Variants in SLC15A5 observed in about 807,000 individuals in gnomAD.
SLC15A5 encodes the protein solute carrier family 15 member 5, also known as Peptide/histidine transporter ENSP00000340402.
SLC15A5 carries 58 observed loss-of-function variants against 56.1 expected under a neutral mutation model. The ratio of observed to expected loss-of-function variants is 1.03; its 90% CI spans 0.84 to 1.29. The LOEUF (loss-of-function observed/expected upper bound fraction) is 1.29, where lower values mean the gene tolerates loss of function less well. Among genes scored for constraint, SLC15A5 ranks in the 50% most tolerant of loss-of-function variants. The pLI, the probability that SLC15A5 is intolerant of heterozygous loss-of-function variation, is 0.00. For synonymous variants in SLC15A5, 264 were observed against 250.5 expected, an observed-to-expected ratio of 1.05 and a Z score of -0.51; for missense variants, 681 against 672.1, an observed-to-expected ratio of 1.01 and a Z score of -0.15.
intron 6 of SLC15A5, among the ~76,000 whole-genome samples, chr12:16,224,043 G>A (rs1179547424): frequency 1.3e-5 from 2 of 152,118 alleles, no homozygotes; most frequent in Admixed American, 1.3e-4. Context: ...GTGAGAGTCG[G>A]GGAGGTGAGA....
chr12:16,214,918 G>C (rs1864115233), intron 7 of SLC15A5, among the ~76,000 whole-genome samples: 1 of 151,878 alleles, frequency 6.6e-6, no homozygotes, highest in Non-Finnish European at 1.5e-5. Context: ...AGTGAGGGTA[G>C]TCTTGGCTGG....
intron 5 of SLC15A5, among the ~76,000 whole-genome samples, chr12:16,228,948 C>T (rs929687606): frequency 2.6e-5 from 4 of 152,256 alleles, no homozygotes; most frequent in Non-Finnish European, 5.9e-5. Context: ...GGGCTTGATG[C>T]TCCCAACCCC....
intron 2 of SLC15A5, among the ~76,000 whole-genome samples, chr12:16,260,708 G>A (rs1864634717): frequency 6.7e-6 from 1 of 150,122 alleles, no homozygotes; most frequent in African/African-American, 2.4e-5. Flanking sequence ...CATACTTTTT[G>A]TGTCCCATGT....
Position 16,276,709 on chromosome 12 carries a change from A to AAAAC in SLC15A5, c.361+615_361+616insGTTT, listed in dbSNP as rs756257398. ...CTCTATTTCTTATTAAACTATCTTGATATTTTCCCAGCATTTCTCACAATC... is the reference window on the plus strand; with the variant it reads ...CTCTATTTCTTATTAAACTATCTTGAAAACTATTTTCCCAGCATTTCTCACAATC... On this transcript the variant is annotated intron_variant, in intron 1 of 8. Transcript: ENST00000344941. Among the ~76,000 whole-genome samples, 156 of 152,152 alleles carry AAAAC rather than the reference A, an allele frequency of 1.0e-3. 1 individual carries two copies. The highest frequency in any genetic ancestry group is 9.3e-4 in the Non-Finnish European group (63 of 67,988).
rs553114268 is a variant in SLC15A5 at position 16,234,965 on chromosome 12, A to C, written c.1162+4716T>G. On this transcript the variant is annotated intron_variant, in intron 5 of 8. Coordinates refer to ENST00000344941, the MANE Select transcript of SLC15A5 (RefSeq NM_001170798.1). ...TTCTGATATGTAAGCTCACAGCCTT[A>C]AGTATGAAATTCTATGGAGTCCTTG... Among the ~76,000 whole-genome samples the C allele has an allele frequency of 5.7e-4, 86 of 152,186 alleles. 1 individual carries two copies. Among genetic ancestry groups the C allele is most frequent in the African/African-American group, 1.8e-3 (76 of 41,560 alleles).
intron 7 of SLC15A5, among the ~76,000 whole-genome samples, chr12:16,208,819 G>A (rs1864047786): frequency 6.6e-6 from 1 of 152,050 alleles, no homozygotes. Flanking sequence ...AGTATAAGGA[G>A]GTATGTCCTC....
chr12:16,264,750 A>G (rs1195143549), intron 2 of SLC15A5, among the ~76,000 whole-genome samples: 1 of 152,152 alleles, frequency 6.6e-6, no homozygotes, highest in Non-Finnish European at 1.5e-5. Context: ...TGATGGTTTT[A>G]AAAAGGGGAG....
At chr12:16,205,993 G>A (rs1209961181) in intron 7 of SLC15A5, among the ~76,000 whole-genome samples, 1 of 152,110 alleles carries the variant, frequency 6.6e-6, no homozygotes, top group Admixed American at 6.6e-5. Context: ...GTCCAAAATT[G>A]TCGAGACAAA....
At chr12:16,195,742 C>A (rs1863888898) in intron 7 of SLC15A5, among the ~76,000 whole-genome samples, 1 of 152,034 alleles carries the variant, frequency 6.6e-6, no homozygotes, top group Non-Finnish European at 1.5e-5. Flanking sequence ...TCTCCCTTGA[C>A]AATGCATACT....
intron 5 of SLC15A5, among the ~76,000 whole-genome samples, chr12:16,227,049 T>C (rs1864249504): frequency 6.6e-6 from 1 of 152,156 alleles, no homozygotes. Flanking sequence ...TCTCAGAATT[T>C]AAATATATTC....
intron 5 of SLC15A5, among the ~76,000 whole-genome samples, chr12:16,232,966 AAAGAAAG>A (rs1240879755): frequency 6.6e-6 from 1 of 151,476 alleles, no homozygotes; most frequent in Non-Finnish European, 1.5e-5. Flanking sequence ...AGAAGGAAAG[AAAGAAAG>A]AAGAAAGAGA....
intron 5 of SLC15A5, among the ~76,000 whole-genome samples, chr12:16,239,020 C>A (rs1864382862): frequency 6.6e-6 from 1 of 152,118 alleles, no homozygotes. Context: ...GTGGCTTTTT[C>A]AAAGTCACCA....
intron 6 of SLC15A5, among the ~76,000 whole-genome samples, chr12:16,219,436 A>G (rs1864164517): frequency 1.3e-5 from 2 of 152,218 alleles, no homozygotes. Context: ...ACAAGGAGAC[A>G]AGCAATGAGC....
chr12:16,193,026 A>G (rs1863852442), intron 8 of SLC15A5, among the ~76,000 whole-genome samples: 1 of 152,120 alleles, frequency 6.6e-6, no homozygotes, highest in African/African-American at 2.4e-5. Flanking sequence ...AAACCTTACC[A>G]TAGGATACAA....
chr12:16,205,875 G>A (rs1864014089), intron 7 of SLC15A5, among the ~76,000 whole-genome samples: 1 of 151,998 alleles, frequency 6.6e-6, no homozygotes, highest in Non-Finnish European at 1.5e-5. Flanking sequence ...CTTAAAATGT[G>A]CCTTTTGGAA....
Position 16,225,956 on chromosome 12 carries a change from C to T in SLC15A5, c.1163-1354G>A, listed in dbSNP as rs537252381. On this transcript the variant is annotated intron_variant, in intron 5 of 8. Transcript: ENST00000344941. ...TTCCCTGACTTCCTACATATAGAAC[C>T]TCAGGCCAGTAATGTAACCTCATTA... is the stretch of plus-strand genomic sequence containing the variant. 7.2e-5 allele frequency among the ~76,000 whole-genome samples: 11 copies of T among 152,250 alleles called. No homozygotes were observed. In the South Asian group the frequency reaches 2.3e-3, roughly 32 times the overall value.
chr12:16,193,778 GGGGAGAGAGAGAGAGAGAGAGAGAGA>G (rs1354173951), intron 8 of SLC15A5, among the ~76,000 whole-genome samples: 3 of 106,092 alleles, frequency 2.8e-5, no homozygotes, highest in Middle Eastern at 5.5e-3. Flanking sequence ...AATATGTCAA[GGGGAGAGAGAGAGAGAGAGAGAGAGA>G]GAGAGAGAGA....
chr12:16,211,866 G>A (rs1438211743), intron 7 of SLC15A5, among the ~76,000 whole-genome samples: 1 of 152,186 alleles, frequency 6.6e-6, no homozygotes, highest in Non-Finnish European at 1.5e-5. Context: ...TGTCTGCACA[G>A]TCAAGTTTTG....
At chr12:16,247,631 C>T (rs79238236) in intron 3 of SLC15A5, among the ~76,000 whole-genome samples, 7,805 of 151,946 alleles carry the variant, frequency 0.051, 270 homozygotes, top group African/African-American at 0.09. Flanking sequence ...GGCAAAGAGA[C>T]GTAGGAAACA....
Sources: gnomAD v4.1 joint callset for allele counts (sites outside exome capture counted in the v4.1 genomes callset) on GRCh38, gnomAD v4.1.1 for gene constraint, MANE v1.5 for transcripts, NCBI Gene and HGNC (gene_info 2026-07-23, HGNC 2026-07-21) for gene names.